Variants in TUBGCP5 observed in about 807,000 individuals in gnomAD.
The protein encoded by TUBGCP5 is tubulin gamma complex component 5, also known as gamma-tubulin complex component 5.
A neutral mutation model predicts 134.7 loss-of-function variants in TUBGCP5; 98 were observed. The observed-to-expected ratio is 0.73, with a 90% CI of 0.62 to 0.86. TUBGCP5 has a LOEUF of 0.86. Among genes scored for constraint, TUBGCP5 ranks in the 40% least tolerant of loss-of-function variants. The pLI is 0.00. For synonymous variants in TUBGCP5, 456 were observed against 431.4 expected (o/e 1.06, Z -0.71); for missense variants, 1,150 against 1,244.8 (o/e 0.92, Z 1.15).
At chr15:22,987,470 T>C (rs1302207752) in intron 23 of TUBGCP5, among the ~76,000 whole-genome samples, 1 of 152,106 alleles carries the variant, frequency 6.6e-6, no homozygotes, top group African/African-American at 2.4e-5. Context: ...GTCAAATCCC[T>C]GGAACCTGTG....
chr15:23,009,414 G>A (rs1195578369), intron 15 of TUBGCP5, among the ~76,000 whole-genome samples: 4 of 151,824 alleles, frequency 2.6e-5, no homozygotes, highest in Admixed American at 1.3e-4. Flanking sequence ...GACTACAGGC[G>A]CCCGGCACCA....
At chr15:23,037,234 A>G in intron 1 of TUBGCP5, 82 bp from the exon 2 acceptor site, 8 of 1,298,252 alleles carry the variant, frequency 6.2e-6, no homozygotes, top group Middle Eastern at 2.6e-4. Flanking sequence ...CATATCCCCC[A>G]TATGCTCTGT....
intron 23 of TUBGCP5, among the ~76,000 whole-genome samples, chr15:22,988,178 C>T (rs2063735994): frequency 6.6e-6 from 1 of 151,838 alleles, no homozygotes; most frequent in Non-Finnish European, 1.5e-5. Context: ...GATCTAAGTT[C>T]TTGAGATGGG....
chr15:23,024,476 G>A (rs1161614326), intron 9 of TUBGCP5: 2 of 432,466 alleles, frequency 4.6e-6, no homozygotes, highest in Admixed American at 4.0e-5. Context: ...TCACAATACA[G>A]AATGACAAAT....
downstream of TUBGCP5, among the ~76,000 whole-genome samples, chr15:22,996,076 C>T (rs1206120690): frequency 1.3e-5 from 2 of 152,174 alleles, no homozygotes; most frequent in African/African-American, 4.8e-5. Flanking sequence ...TATTCAGATA[C>T]AAATCTCTGC....
At chr15:22,999,909 T>G (rs1437136521) in intron 22 of TUBGCP5, 43 bp from the exon 23 acceptor site, 1 of 1,603,022 alleles carries the variant, frequency 6.2e-7, no homozygotes, top group African/African-American at 1.3e-5. Context: ...TAGGTTTAAA[T>G]GTTGAAAAAA....
chr15:23,019,491 A>T (rs2065537719), intron 11 of TUBGCP5, 157 bp from the exon 12 acceptor site: 1 of 607,230 alleles, frequency 1.6e-6, no homozygotes, highest in Non-Finnish European at 2.9e-6. Flanking sequence ...TACACTATAA[A>T]ATCCTTATGA....
In TUBGCP5 at chr15:23,022,217, T is replaced by C. The variant is rs1193095568; in HGVS notation, c.1169-56A>G. ...CAAGGAAAAATACATGCATCTAAAA[T>C]GTGACATAAATGCTGGCAAATCATC... On this transcript the variant is annotated intron_variant, in intron 10 of 22. Transcript: ENST00000615383. The C allele has an allele frequency of 1.9e-5, 30 of 1,570,296 alleles. 1 individual carries two copies. The Admixed American group carries it at 4.8e-4, about 25-fold the overall frequency.
intron 6 of TUBGCP5, 134 bp from the exon 7 acceptor site, chr15:23,027,440 T>C (rs2066043402): frequency 6.2e-6 from 4 of 640,626 alleles, no homozygotes; most frequent in Non-Finnish European, 8.1e-6. Flanking sequence ...AACATTTATG[T>C]ATATATGATT....
intron 15 of TUBGCP5, 121 bp from the exon 16 acceptor site, chr15:23,009,002 A>C: frequency 1.4e-6 from 1 of 720,934 alleles, no homozygotes; most frequent in Non-Finnish European, 2.2e-6. Context: ...ACATTTACTA[A>C]AATTAGAAAT....
At chr15:23,012,540 G>A (rs971444585) in intron 13 of TUBGCP5, among the ~76,000 whole-genome samples, 1 of 152,090 alleles carries the variant, frequency 6.6e-6, no homozygotes, top group Non-Finnish European at 1.5e-5. Context: ...CTGAGTAGTG[G>A]GGAATTACAG....
Position 22,999,809 on chromosome 15 carries a change from G to A in TUBGCP5, c.*11C>T, listed in dbSNP as rs146068854. ...TGACAAAGTCGGAGATATTTATTAC[G>A]CTGAAGACATTTAACTTTGTTCCAT... On this transcript the variant is annotated 3_prime_UTR_variant, in exon 23 of 23. Transcript: ENST00000615383. 9 of 1,612,160 alleles carry A rather than the reference G, an allele frequency of 5.6e-6. No individual in the cohort carries two copies. Among genetic ancestry groups the A allele is most frequent in the African/African-American group, 4.0e-5 (3 of 74,996 alleles).
chr15:23,004,295 C>A, intron 19 of TUBGCP5, 68 bp from the exon 20 acceptor site: 1 of 1,561,894 alleles, frequency 6.4e-7, no homozygotes, highest in South Asian at 1.2e-5. Context: ...GCACACAAAT[C>A]TTTTTTACTA....
intron 23 of TUBGCP5, among the ~76,000 whole-genome samples, chr15:22,988,906 GTGT>G (rs2063767660): frequency 6.6e-6 from 1 of 151,776 alleles, no homozygotes; most frequent in South Asian, 2.1e-4. Flanking sequence ...GCTAGTTTTT[GTGT>G]TTTTAGTACA....
intron 13 of TUBGCP5, 99 bp downstream of exon 13, chr15:23,017,674 G>T: frequency 1.7e-6 from 2 of 1,210,474 alleles, no homozygotes; most frequent in South Asian, 1.7e-5. Flanking sequence ...AGGGTTTGAT[G>T]ACTTGCAAAC....
chr15:22,997,146 T>C (rs1212251074), downstream of TUBGCP5, among the ~76,000 whole-genome samples: 1 of 152,032 alleles, frequency 6.6e-6, no homozygotes, highest in East Asian at 1.9e-4. Context: ...TTCCTAGCAA[T>C]GTTTTTTGGT....
chr15:23,000,643 G>A lies in TUBGCP5; in HGVS notation c.2954C>T (p.Ser985Phe), dbSNP rs773640040. 3.7e-6 allele frequency: 6 copies of A among 1,606,228 alleles called. No homozygotes were observed. In the South Asian group the frequency reaches 6.7e-5, roughly 18 times the overall value. ...AAACATATGGCAGTTTTTAAAATCAGATTCCATTTTCTCTATAGATTCCAT... is the reference window on the plus strand; with the variant it reads ...AAACATATGGCAGTTTTTAAAATCAAATTCCATTTTCTCTATAGATTCCAT... Reference protein sequence around the residue: ...WRMESIEKMESDFKNCHMFLV... With the variant: ...WRMESIEKMEFDFKNCHMFLV... The change falls in exon 22 of 23, where the codon TCT becomes TTT. Residue 985 changes from serine to phenylalanine, a missense_variant. Ser to Phe is a radical substitution (Grantham distance 155). Around this residue, in one of 2 missense-constraint regions of TUBGCP5, gnomAD observed 697 missense variants for 850.1 expected, o/e 0.82. Coordinates refer to ENST00000615383, the MANE Select transcript of TUBGCP5 (RefSeq NM_052903.6).
At chr15:23,008,178 C>A (rs892715654) in intron 16 of TUBGCP5, among the ~76,000 whole-genome samples, 9 of 152,190 alleles carry the variant, frequency 5.9e-5, no homozygotes, top group African/African-American at 1.9e-4. Flanking sequence ...GCTAGGATTA[C>A]TGGCATGAGC....
At chr15:23,011,109 G>T in intron 14 of TUBGCP5, 24 bp downstream of exon 14, 1 of 1,609,652 alleles carries the variant, frequency 6.2e-7, no homozygotes, top group South Asian at 1.1e-5. Flanking sequence ...TTCAATTACT[G>T]ATAACCTTGC....
Sources: allele counts gnomAD v4.1 joint callset (sites outside exome capture counted in the v4.1 genomes callset), GRCh38; gene constraint gnomAD v4.1.1; regional missense constraint gnomAD v4.1.1; transcripts MANE v1.5; gene names NCBI Gene and HGNC (gene_info 2026-07-23, HGNC 2026-07-21).